The following DYSF variants were observed in gnomAD, a reference collection of about 807,000 sequenced individuals.
DYSF encodes dysferlin.
A neutral mutation model predicts 274.9 loss-of-function variants in DYSF; 212 were observed. That is an observed-to-expected ratio of 0.77 (90% CI 0.69 to 0.86). The LOEUF (loss-of-function observed/expected upper bound fraction) is 0.86. Ranked by LOEUF, DYSF falls within the 40% of genes least tolerant of loss-of-function variation. The pLI, the probability that DYSF is intolerant of heterozygous loss-of-function variation, is 0.00. For missense variants in DYSF, 2,666 were observed against 2,783.2 expected (o/e 0.96, Z 0.95); for synonymous variants, 1,091 against 1,078.7 (o/e 1.01, Z -0.22).
intron 36 of DYSF, among the ~76,000 whole-genome samples, chr2:71,607,714 C>T (rs559174280): frequency 3.9e-4 from 59 of 151,914 alleles, no homozygotes; most frequent in South Asian, 6.3e-4. Context: ...TCAGGCAGGG[C>T]GATGAGGGGC....
intron 33 of DYSF, among the ~76,000 whole-genome samples, chr2:71,600,166 G>A (rs2093514650): frequency 6.6e-6 from 1 of 152,226 alleles, no homozygotes; most frequent in Non-Finnish European, 1.5e-5. Flanking sequence ...CTGTCTTCTG[G>A]GCGGCAGGGA....
At chr2:71,470,524 A>T (rs1253859588) in intron 1 of DYSF, among the ~76,000 whole-genome samples, 2 of 151,618 alleles carry the variant, frequency 1.3e-5, no homozygotes, top group Non-Finnish European at 2.9e-5. Flanking sequence ...TACAAAAAAA[A>T]TTAGCCGGGT....
chr2:71,644,009 AGGGG>A lies in DYSF; in HGVS notation c.4573_4576del (p.Gly1525ArgfsTer16). On this transcript the variant is annotated frameshift_variant, in exon 42 of 56. Transcript: ENST00000410020. LOFTEE classifies it high-confidence loss of function. Reference sequence around the variant, plus strand: ...GGTGGAGCAAATTCTTTGCCTCCATAGGGGAGAGGGAAAAGTGCGGCTCCTACCT... The same window carrying A: ...GGTGGAGCAAATTCTTTGCCTCCATAAGAGGGAAAAGTGCGGCTCCTACCT... The A allele has an allele frequency of 6.2e-7, 1 of 1,612,608 alleles. No homozygotes were observed. The highest frequency in any genetic ancestry group is 8.5e-7 in the Non-Finnish European group (1 of 1,179,450).
chr2:71,576,347 G>A (rs1165191157), intron 30 of DYSF: 1 of 152,430 alleles, frequency 6.6e-6, no homozygotes, highest in Non-Finnish European at 1.5e-5. Flanking sequence ...TCAGAGCTAG[G>A]CTTTAGGACC....
intron 1 of DYSF, among the ~76,000 whole-genome samples, chr2:71,460,947 AAAAAAAAG>A (rs981324448): frequency 2.1e-5 from 3 of 141,190 alleles, no homozygotes. Context: ...GGAAAAAAAA[AAAAAAAAG>A]AAAAAGAAAA....
chr2:71,522,644 G>A (rs2087424688), intron 12 of DYSF, among the ~76,000 whole-genome samples: 1 of 152,074 alleles, frequency 6.6e-6, no homozygotes. Flanking sequence ...TCTGAGCTCT[G>A]GACGCTCAGT....
intron 1 of DYSF, among the ~76,000 whole-genome samples, chr2:71,475,212 G>T (rs1047772431): frequency 2.0e-5 from 3 of 152,134 alleles, no homozygotes; most frequent in African/African-American, 7.2e-5. Flanking sequence ...TCCCTCCGCT[G>T]ACAAACAGCC....
chr2:71,633,366 T>C (rs1328128465), intron 41 of DYSF, among the ~76,000 whole-genome samples: 1 of 152,196 alleles, frequency 6.6e-6, no homozygotes, highest in African/African-American at 2.4e-5. Context: ...ATTTCCTAAA[T>C]CTCAGGACAT....
chr2:71,536,460 G>GA (rs1310822729), intron 16 of DYSF, among the ~76,000 whole-genome samples: 4 of 152,248 alleles, frequency 2.6e-5, no homozygotes, highest in African/African-American at 4.8e-5. Flanking sequence ...CGGTTTGGAG[G>GA]AAAGATGTGC....
chr2:71,563,527 C>A (rs564286112), intron 23 of DYSF, among the ~76,000 whole-genome samples: 14 of 152,294 alleles, frequency 9.2e-5, no homozygotes, highest in African/African-American at 3.4e-4. Context: ...GACTAGTCAC[C>A]ATTTTCAGAG....
intron 17 of DYSF, chr2:71,549,228 C>T (rs1012069264): frequency 2.1e-6 from 2 of 937,538 alleles, no homozygotes; most frequent in African/African-American, 1.6e-5. Context: ...ATCTGTTTCA[C>T]ACCCGGGAGC....
chr2:71,618,046 G>A (rs1235641371), intron 40 of DYSF, among the ~76,000 whole-genome samples: 2 of 124,354 alleles, frequency 1.6e-5, no homozygotes, highest in Admixed American at 8.2e-5. Context: ...GATGGTGTGT[G>A]TGTGTGTGTG....
intron 51 of DYSF, among the ~76,000 whole-genome samples, chr2:71,673,841 G>A (rs1397979928): frequency 6.6e-6 from 1 of 152,006 alleles, no homozygotes; most frequent in Non-Finnish European, 1.5e-5. Flanking sequence ...CGCATAGGAA[G>A]CACTATATTA....
intron 36 of DYSF, among the ~76,000 whole-genome samples, chr2:71,609,221 A>T (rs1047957341): frequency 6.6e-6 from 1 of 152,210 alleles, no homozygotes; most frequent in Admixed American, 6.5e-5. Context: ...CATGCATAGC[A>T]GCCCCTGGAG....
chr2:71,609,026 A>G (rs2093699541), intron 36 of DYSF, among the ~76,000 whole-genome samples: 1 of 152,088 alleles, frequency 6.6e-6, no homozygotes, highest in Admixed American at 6.5e-5. Flanking sequence ...ACAGACCACA[A>G]GCAGGCATTC....
At chr2:71,487,618 C>T (rs1225947718) in intron 3 of DYSF, among the ~76,000 whole-genome samples, 6 of 152,234 alleles carry the variant, frequency 3.9e-5, no homozygotes, top group East Asian at 1.9e-4. Context: ...AAGCGATTCT[C>T]CTGTCTCAGC....
intron 1 of DYSF, among the ~76,000 whole-genome samples, chr2:71,479,457 T>C (rs2082702464): frequency 6.6e-6 from 1 of 151,984 alleles, no homozygotes; most frequent in African/African-American, 2.4e-5. Context: ...TCCAAACTCC[T>C]TGTTTTGTGG....
intron 36 of DYSF, among the ~76,000 whole-genome samples, chr2:71,607,546 A>C (rs12472134): frequency 0.68 from 103,568 of 152,080 alleles, 36,774 homozygotes; most frequent in African/African-American, 0.9. Context: ...CAGATTGTAG[A>C]ACGCGTGGGC....
intron 4 of DYSF, among the ~76,000 whole-genome samples, chr2:71,505,526 G>A (rs548131463): frequency 2.2e-4 from 33 of 152,318 alleles, no homozygotes; most frequent in African/African-American, 5.5e-4. Context: ...GAGTCCTGCC[G>A]CAGGCTGACT....
Sources: gnomAD v4.1 joint callset for allele counts (sites outside exome capture counted in the v4.1 genomes callset) on GRCh38, gnomAD v4.1.1 for gene constraint, MANE v1.5 for transcripts, NCBI Gene and HGNC (gene_info 2026-07-23, HGNC 2026-07-21) for gene names.